The following PCED1B variants were observed in gnomAD, a reference collection of about 807,000 sequenced individuals.
PCED1B encodes the protein PC-esterase domain containing 1B, also known as PC-esterase domain-containing protein 1B.
For synonymous variants in PCED1B, 251 were observed against 246.1 expected (o/e 1.02, Z -0.19); for missense variants, 573 against 573.9 (o/e 1.00, Z 0.02).
In PCED1B at chr12:47,089,468, A is replaced by ATATATG. The variant is rs1565740017; in HGVS notation, c.-609+9748_-609+9749insGTATAT. Among the ~76,000 whole-genome samples, 10 of 93,512 alleles carry ATATATG rather than the reference A, an allele frequency of 1.1e-4. 1 individual carries two copies. Among genetic ancestry groups the ATATATG allele is most frequent in the Non-Finnish European group, 2.0e-4 (10 of 50,694 alleles). The allele number at this position is 93,512 out of a possible 152,430, so 61.3% of individuals were successfully genotyped here. Reference sequence around the variant, plus strand: ...TCTCAAAAAAAAAAAATACATATATATATATATATATATATATATATATAT... The same window carrying ATATATG: ...TCTCAAAAAAAAAAAATACATATATATATATGTATATATATATATATATATATATAT... On this transcript the variant is annotated intron_variant, in intron 1 of 3. Coordinates refer to ENST00000546455, the MANE Select transcript of PCED1B (RefSeq NM_138371.3).
chr12:47,207,342 C>G (rs1942942217), intron 2 of PCED1B, among the ~76,000 whole-genome samples: 1 of 152,036 alleles, frequency 6.6e-6, no homozygotes, highest in Admixed American at 6.5e-5. Context: ...CTGGGCTCAT[C>G]TGGTAGCACA....
At chr12:47,191,248 TTACAAAGGGAC>T (rs1316217024) in intron 2 of PCED1B, among the ~76,000 whole-genome samples, 3 of 152,176 alleles carry the variant, frequency 2.0e-5, no homozygotes, top group Non-Finnish European at 4.4e-5. Flanking sequence ...GAAGCAGTTT[TTACAAAGGGAC>T]ACCACTGACC....
At chr12:47,109,349 GA>G (rs1939092048) in intron 2 of PCED1B, among the ~76,000 whole-genome samples, 2 of 66,592 alleles carry the variant, frequency 3.0e-5, no homozygotes, top group South Asian at 1.6e-3. Flanking sequence ...ACAAGTACTT[GA>G]AAAACTTTTT....
At chr12:47,126,173 G>T (rs1315074070) in intron 2 of PCED1B, among the ~76,000 whole-genome samples, 1 of 151,958 alleles carries the variant, frequency 6.6e-6, no homozygotes, top group South Asian at 2.1e-4. Context: ...TTTTTTTCAG[G>T]TTGAGGACTT....
intron 2 of PCED1B, chr12:47,205,943 G>A (rs899680568): frequency 3.3e-5 from 5 of 152,202 alleles, no homozygotes; most frequent in Non-Finnish European, 7.3e-5. Flanking sequence ...GTCTCCCCCA[G>A]CGTTTGGAGA....
chr12:47,135,055 G>C (rs966245528), intron 2 of PCED1B, among the ~76,000 whole-genome samples: 3 of 152,042 alleles, frequency 2.0e-5, no homozygotes, highest in African/African-American at 7.2e-5. Flanking sequence ...TATTTGCACC[G>C]ATGGATTTAA....
intron 2 of PCED1B, among the ~76,000 whole-genome samples, chr12:47,128,151 AGTCAG>A (rs1343187531): frequency 2.0e-5 from 3 of 152,208 alleles, no homozygotes; most frequent in African/African-American, 7.2e-5. Flanking sequence ...TGCCAATTTG[AGTCAG>A]GTCAAATTTA....
chr12:47,222,808 C>T (rs1247282235), intron 3 of PCED1B, among the ~76,000 whole-genome samples: 3 of 152,226 alleles, frequency 2.0e-5, no homozygotes, highest in Non-Finnish European at 4.4e-5. Context: ...GAGCCCCTCC[C>T]TCTCAGCCAG....
At chr12:47,168,815 A>C (rs77767926) in intron 2 of PCED1B, among the ~76,000 whole-genome samples, 3,325 of 152,252 alleles carry the variant, frequency 0.022, 94 homozygotes, top group African/African-American at 0.063. Context: ...ATAAGTATTT[A>C]GAATTTTTGT....
intron 2 of PCED1B, among the ~76,000 whole-genome samples, chr12:47,200,424 A>T (rs1160622996): frequency 6.6e-6 from 1 of 152,232 alleles, no homozygotes. Flanking sequence ...TGGTTAGAAA[A>T]TCAGAACACT....
Position 47,188,696 on chromosome 12 carries a change from C to T in PCED1B, c.-525-27526C>T, listed in dbSNP as rs576002940. Among the ~76,000 whole-genome samples the T allele has an allele frequency of 3.3e-5, 5 of 152,290 alleles. No homozygotes were observed. The South Asian group carries it at 1.0e-3, about 32-fold the overall frequency. The stretch of plus-strand genomic sequence containing the variant: ...TTCTCATCCATCGCCCAAATTGAAA[C>T]GTGCAATGTAAGCTGTAGCCATCCA... On this transcript the variant is annotated intron_variant, in intron 2 of 3. Coordinates refer to ENST00000546455, the MANE Select transcript of PCED1B (RefSeq NM_138371.3).
intron 2 of PCED1B, among the ~76,000 whole-genome samples, chr12:47,190,333 A>T (rs950085660): frequency 2.0e-5 from 3 of 152,210 alleles, no homozygotes; most frequent in Non-Finnish European, 4.4e-5. Context: ...AAATAGATAC[A>T]GACCTCACCC....
chr12:47,134,595 TGCAGTG>T (rs1592183538), intron 2 of PCED1B, among the ~76,000 whole-genome samples: 1 of 152,144 alleles, frequency 6.6e-6, no homozygotes, highest in East Asian at 1.9e-4. Flanking sequence ...TTAGGTCTGG[TGCAGTG>T]GCTCATGCCT....
At chr12:47,100,814 T>C (rs981245503) in intron 1 of PCED1B, among the ~76,000 whole-genome samples, 1 of 152,210 alleles carries the variant, frequency 6.6e-6, no homozygotes, top group African/African-American at 2.4e-5. Context: ...ATGGTTGTCA[T>C]CCCAGCACTT....
chr12:47,162,771 C>T (rs1012312215), intron 2 of PCED1B, among the ~76,000 whole-genome samples: 6 of 152,212 alleles, frequency 3.9e-5, no homozygotes, highest in South Asian at 2.1e-4. Flanking sequence ...AAGGCATCTA[C>T]GACCATGACC....
At chr12:47,166,497 A>G (rs940220636) in intron 2 of PCED1B, among the ~76,000 whole-genome samples, 1 of 152,192 alleles carries the variant, frequency 6.6e-6, no homozygotes, top group African/African-American at 2.4e-5. Context: ...GAAACTTTTC[A>G]CTCACCTGAG....
At chr12:47,113,878 C>T (rs559675356) in intron 2 of PCED1B, among the ~76,000 whole-genome samples, 3 of 151,362 alleles carry the variant, frequency 2.0e-5, no homozygotes, top group Admixed American at 6.6e-5. Context: ...GGTGTGGTGG[C>T]GGGCAGAGTT....
At chr12:47,217,527 AAG>A (rs1281438751) in intron 3 of PCED1B, among the ~76,000 whole-genome samples, 1 of 123,894 alleles carries the variant, frequency 8.1e-6, no homozygotes, top group Non-Finnish European at 1.6e-5. Context: ...AAGAAAGAGA[AAG>A]AGAGAAAAGA....
chr12:47,235,620 C>T lies in PCED1B; in HGVS notation c.557C>T (p.Ala186Val). The T allele has an allele frequency of 6.2e-7, 1 of 1,610,028 alleles. No individual in the cohort carries two copies. ...FLPPKLRRQK[A>V]TFLKNEVVKA... Reference sequence around the variant, plus strand: ...CCGCCCAAGCTCCGGCGGCAGAAGGCCACCTTCCTGAAAAACGAAGTGGTC... The same window carrying T: ...CCGCCCAAGCTCCGGCGGCAGAAGGTCACCTTCCTGAAAAACGAAGTGGTC... The change falls in exon 4 of 4, where the codon GCC (alanine) becomes GTC (valine). Residue 186 changes from alanine (A) to valine (V), a missense_variant. Ala to Val is a moderately conservative substitution (Grantham distance 64, BLOSUM62 0). Coordinates refer to ENST00000546455, the MANE Select transcript of PCED1B (RefSeq NM_138371.3).
Sources: allele counts gnomAD v4.1 joint callset (sites outside exome capture counted in the v4.1 genomes callset), GRCh38; gene constraint gnomAD v4.1.1; transcripts MANE v1.5; gene names NCBI Gene and HGNC (gene_info 2026-07-23, HGNC 2026-07-21).